EFNA5: variants seen among roughly 807,000 people sequenced by gnomAD.
The protein encoded by EFNA5 is ephrin-A5.
A neutral mutation model predicts 22.9 loss-of-function variants in EFNA5; 5 were observed. The observed-to-expected ratio is 0.22, with a 90% confidence interval of 0.11 to 0.46. The LOEUF (loss-of-function observed/expected upper bound fraction) is 0.46. EFNA5 is among the 20% of genes least tolerant of loss of function. The pLI is 0.99. For synonymous variants in EFNA5, 113 were observed against 112.2 expected (o/e 1.01, Z -0.04); for missense variants, 237 against 293.3 (o/e 0.81, Z 1.40).
At chr5:107,658,767 C>T (rs1750880835) in intron 1 of EFNA5, among the ~76,000 whole-genome samples, 1 of 152,060 alleles carries the variant, frequency 6.6e-6, no homozygotes, top group Non-Finnish European at 1.5e-5. Flanking sequence ...ACTGTCAGGG[C>T]CCTATGTAGC....
At chr5:107,406,406 T>C (rs1748222630) in intron 2 of EFNA5, among the ~76,000 whole-genome samples, 1 of 151,976 alleles carries the variant, frequency 6.6e-6, no homozygotes, top group South Asian at 2.1e-4. Context: ...AGGCCCACGA[T>C]CTCTGCAGCC....
chr5:107,489,662 C>CCCA (rs1746747200), intron 1 of EFNA5, among the ~76,000 whole-genome samples: 1 of 149,080 alleles, frequency 6.7e-6, no homozygotes, highest in African/African-American at 2.5e-5. Flanking sequence ...CCCCACCTAC[C>CCCA]CCCCCCACCA....
At chr5:107,622,314 C>A (rs887888913) in intron 1 of EFNA5, among the ~76,000 whole-genome samples, 1 of 152,110 alleles carries the variant, frequency 6.6e-6, no homozygotes, top group Non-Finnish European at 1.5e-5. Context: ...ACAGAATCAC[C>A]CACGAAGCTT....
intron 1 of EFNA5, among the ~76,000 whole-genome samples, chr5:107,634,669 C>T (rs1750335006): frequency 6.9e-6 from 1 of 145,982 alleles, no homozygotes; most frequent in African/African-American, 2.4e-5. Flanking sequence ...CCCACATAGG[C>T]AGACTAAGTT....
At chr5:107,546,475 T>G (rs373122464) in intron 1 of EFNA5, among the ~76,000 whole-genome samples, 11 of 152,358 alleles carry the variant, frequency 7.2e-5, no homozygotes, top group South Asian at 4.1e-4. Context: ...GCACAGCATA[T>G]GTACTGCGTC....
chr5:107,389,624 T>G (rs1031334048), intron 2 of EFNA5, among the ~76,000 whole-genome samples: 5 of 152,140 alleles, frequency 3.3e-5, no homozygotes, highest in African/African-American at 7.2e-5. Flanking sequence ...CTTCTTGGAT[T>G]TAGTACAGGT....
chr5:107,553,391 C>T (rs569755462), intron 1 of EFNA5, among the ~76,000 whole-genome samples: 1 of 152,318 alleles, frequency 6.6e-6, no homozygotes. Context: ...TCCACCACCG[C>T]CCCACCATCC....
chr5:107,428,982 C>T (rs969005875), intron 1 of EFNA5, among the ~76,000 whole-genome samples: 2 of 152,296 alleles, frequency 1.3e-5, no homozygotes, highest in African/African-American at 2.4e-5. Flanking sequence ...AATCTTGATT[C>T]CCTTGGTTCT....
rs747697726 is a variant in EFNA5 at position 107,387,784 on chromosome 5, CAGAG to C, written c.419-17_419-14del. The C allele has an allele frequency of 5.7e-6, 9 of 1,588,368 alleles. No individual in the cohort carries two copies. Among genetic ancestry groups the C allele is most frequent in the Middle Eastern group, 1.7e-4 (1 of 6,028 alleles). The stretch of plus-strand genomic sequence containing the variant: ...GGGATTGCAGAGGCTGTGGGTAACA[CAGAG>C]AGAGAGCAGGAAAGAAAGAAGAGAA... On this transcript the variant is annotated splice_polypyrimidine_tract_variant and intron_variant, in intron 2 of 4. Transcript: ENST00000333274.
chr5:107,564,960 T>C (rs191949621), intron 1 of EFNA5, among the ~76,000 whole-genome samples: 1 of 152,294 alleles, frequency 6.6e-6, no homozygotes, highest in East Asian at 1.9e-4. Context: ...GTAAGTTGTA[T>C]GTGACCTTTT....
chr5:107,666,503 T>C (rs1751069614), intron 1 of EFNA5, among the ~76,000 whole-genome samples: 1 of 152,126 alleles, frequency 6.6e-6, no homozygotes, highest in Non-Finnish European at 1.5e-5. Flanking sequence ...TACAAGTCCC[T>C]ACAAGAATTG....
intron 1 of EFNA5, among the ~76,000 whole-genome samples, chr5:107,447,111 G>A (rs1313873346): frequency 6.6e-6 from 1 of 152,194 alleles, no homozygotes; most frequent in Non-Finnish European, 1.5e-5. Context: ...TGAGAGACTG[G>A]TGAACACAGT....
Position 107,650,261 on chromosome 5 carries a change from A to C in EFNA5, c.125+20228T>G, listed in dbSNP as rs1470091873. ...GAAAAGACTTGGGTTAGTCTGGCAA[A>C]GCAGAGAGGTACATAATGGATAAAG... On this transcript the variant is annotated intron_variant, in intron 1 of 4. Coordinates refer to ENST00000333274, the MANE Select transcript of EFNA5 (RefSeq NM_001962.3). 4.6e-5 allele frequency among the ~76,000 whole-genome samples: 7 copies of C among 152,212 alleles called. No homozygotes were observed. In the East Asian group the frequency reaches 1.3e-3, roughly 29 times the overall value.
In EFNA5 at chr5:107,381,306, G is replaced by T. The variant is rs1396722950; in HGVS notation, c.636C>A (p.Ser212Arg). ...ENAAQTPRIP[S>R]RLLAILLFLL... ...GGAACAGTAGGATTGCCAAAAGGCG[G>T]CTGGGTATCCTTGGTGTTTGTGCCG... Residue 212 changes from serine (S) to arginine (R), a missense_variant, in exon 5 of 5, where the codon AGC becomes AGA. Physicochemically the swap from Ser to Arg is moderately radical, Grantham distance 110. Around this residue, in one of 3 missense-constraint regions of EFNA5, gnomAD observed 104 missense variants for 114.5 expected, o/e 0.91. Coordinates refer to ENST00000333274, the MANE Select transcript of EFNA5 (RefSeq NM_001962.3). The T allele has an allele frequency of 1.2e-6, 2 of 1,614,070 alleles. No individual in the cohort carries two copies.
chr5:107,380,815 A>G lies in EFNA5; in HGVS notation c.*440T>C. 1 of 405,104 alleles carries G rather than the reference A, an allele frequency of 2.5e-6. No homozygotes were observed. The highest frequency in any genetic ancestry group is 4.4e-6 in the Non-Finnish European group (1 of 229,432). The allele number at this position is 405,104 out of a possible 1,614,324, so 25.1% of individuals were successfully genotyped here. A position where few individuals can be genotyped will look rare whatever the true frequency, so the allele number is the denominator to read the frequency against. ...TACAGTTCTGAATGAGAAGGCATAAATATTGCATAGGAGAGCAAAACCCTC... is the reference window on the plus strand; with the variant it reads ...TACAGTTCTGAATGAGAAGGCATAAGTATTGCATAGGAGAGCAAAACCCTC... On this transcript the variant is annotated 3_prime_UTR_variant, in exon 5 of 5. Coordinates refer to ENST00000333274, the MANE Select transcript of EFNA5 (RefSeq NM_001962.3).
intron 2 of EFNA5, among the ~76,000 whole-genome samples, chr5:107,405,880 TGTATACATATTCTATGTATTTA>T (rs1748196403): frequency 6.7e-6 from 1 of 149,598 alleles, no homozygotes; most frequent in Non-Finnish European, 1.5e-5. Flanking sequence ...TACATATATT[TGTATACATATTCTATGTATTTA>T]TATACATAGA....
chr5:107,500,340 A>G (rs1580497640), intron 1 of EFNA5, among the ~76,000 whole-genome samples: 1 of 152,374 alleles, frequency 6.6e-6, no homozygotes, highest in East Asian at 1.9e-4. Flanking sequence ...TATATCTGCT[A>G]AAGAAAGTAT....
Position 107,448,831 on chromosome 5 carries a change from CAATA to C in EFNA5, c.126-21326_126-21323del, listed in dbSNP as rs57639319. 0.011 allele frequency among the ~76,000 whole-genome samples: 1,366 copies of C among 128,100 alleles called. 30 individuals carry two copies. The East Asian group carries it at 0.12, about 12-fold the overall frequency. The allele number at this position is 128,100 out of a possible 152,430, so 84.0% of individuals were successfully genotyped here. ...GGTGACAGTGTGAAACTCTGTCTCA[CAATA>C]AATAAATAAATAAATAAATAAATAA... is the stretch of plus-strand genomic sequence containing the variant. On this transcript the variant is annotated intron_variant, in intron 1 of 4. Coordinates refer to ENST00000333274, the MANE Select transcript of EFNA5 (RefSeq NM_001962.3).
At chr5:107,614,324 T>C (rs970128035) in intron 1 of EFNA5, among the ~76,000 whole-genome samples, 7 of 152,170 alleles carry the variant, frequency 4.6e-5, no homozygotes, top group African/African-American at 1.4e-4. Context: ...CATATTAACA[T>C]AGTGTTGACA....
Sources: gnomAD v4.1 joint callset for allele counts (sites outside exome capture counted in the v4.1 genomes callset) on GRCh38, gnomAD v4.1.1 for gene constraint, gnomAD v4.1.1 regional missense constraint, MANE v1.5 for transcripts, NCBI Gene and HGNC (gene_info 2026-07-23, HGNC 2026-07-21) for gene names.